Variants in ZNF778 observed in about 807,000 individuals in gnomAD.
The protein encoded by ZNF778 is zinc finger protein 778.
A neutral mutation model predicts 23.9 loss-of-function variants in ZNF778; 37 were observed. The observed-to-expected ratio is 1.54, with a 90% CI of 1.19 to 2.03. The LOEUF (loss-of-function observed/expected upper bound fraction) is 2.03. Among genes scored for constraint, ZNF778 ranks in the 30% most tolerant of loss-of-function variants. The pLI is 0.00. For missense variants in ZNF778, 1,297 were observed against 934.4 expected (o/e 1.39, Z -5.06); for synonymous variants, 483 against 343.9 (o/e 1.40, Z -4.48).
Position 89,233,056 on chromosome 16 carries a change from CG to C in ZNF778, c.*4495del. On this transcript the variant is annotated 3_prime_UTR_variant, in exon 7 of 7. Transcript: ENST00000433976. ...TGCGTATGCAACTCAGCTCGCTCTG[CG>C]TATGCAACTCAGCTCGCACTGCGTA... 8.1e-7 allele frequency: 1 copy of C among 1,237,040 alleles called. No homozygotes were observed. Among genetic ancestry groups the C allele is most frequent in the Non-Finnish European group, 1.0e-6 (1 of 960,126 alleles). The allele number at this position is 1,237,040 out of a possible 1,614,324, so 76.6% of individuals were successfully genotyped here.
rs755130494 is a variant in ZNF778, at chr16:89,236,495, C to G, written c.*7933C>G. The G allele has an allele frequency of 2.6e-5, 4 of 152,068 alleles. No individual in the cohort carries two copies. Among genetic ancestry groups the G allele is most frequent in the Admixed American group, 1.3e-4 (2 of 15,264 alleles). 9.4% of individuals were successfully genotyped at this position (152,068 alleles called of 1,614,324 possible). A position where few individuals can be genotyped will look rare whatever the true frequency, so the allele number is the denominator to read the frequency against. ...GGTTTAAATAAATGGTTACAGAAAA[C>G]TCTTAAGGAAACCTGGAACAAAGGA... On this transcript the variant is annotated 3_prime_UTR_variant, in exon 7 of 7. Coordinates refer to ENST00000433976, the MANE Select transcript of ZNF778 (RefSeq NM_001201407.2).
rs2031738224 is a variant in ZNF778, at chr16:89,228,831, G to C, written c.*269G>C. On this transcript the variant is annotated 3_prime_UTR_variant, in exon 7 of 7. Coordinates refer to ENST00000433976, the MANE Select transcript of ZNF778 (RefSeq NM_001201407.2). ...TATGCAGCAGCATTGTTGCTGTTCTGCTCAGTACTTTGATGATCCCTTGTG... is the reference window on the plus strand; with the variant it reads ...TATGCAGCAGCATTGTTGCTGTTCTCCTCAGTACTTTGATGATCCCTTGTG... 2 of 1,170,670 alleles carry C rather than the reference G, an allele frequency of 1.7e-6. No individual in the cohort carries two copies. Among genetic ancestry groups the C allele is most frequent in the Non-Finnish European group, 1.1e-6 (1 of 947,210 alleles). 72.5% of individuals were successfully genotyped at this position (1,170,670 alleles called of 1,614,324 possible).
Position 89,227,009 on chromosome 16 carries a change from C to G in ZNF778, c.721C>G (p.Gln241Glu), listed in dbSNP as rs748064770. The change falls in exon 7 of 7, where the codon CAG becomes GAG. Residue 241 changes from glutamine to glutamate, a missense_variant. Coordinates refer to ENST00000433976, the MANE Select transcript of ZNF778 (RefSeq NM_001201407.2). ...GEVFLNQSYL[Q>E]ARAGSHNGEE... Reference sequence around the variant, plus strand: ...AGTGTTCCTTAATCAGTCATACCTTCAGGCACGTGCGGGAAGTCACAACGG... The same window carrying G: ...AGTGTTCCTTAATCAGTCATACCTTGAGGCACGTGCGGGAAGTCACAACGG... 3.0e-5 allele frequency: 48 copies of G among 1,613,896 alleles called. No homozygotes were observed. The highest frequency in any genetic ancestry group is 3.6e-5 in the Non-Finnish European group (42 of 1,179,902).
chr16:89,231,932 C>G lies in ZNF778; in HGVS notation c.*3370C>G, dbSNP rs1038725800. The G allele has an allele frequency of 6.6e-6, 1 of 152,452 alleles. No homozygotes were observed. Among genetic ancestry groups the G allele is most frequent in the Non-Finnish European group, 1.5e-5 (1 of 68,246 alleles). The allele number at this position is 152,452 out of a possible 1,614,324, so 9.4% of individuals were successfully genotyped here. On this transcript the variant is annotated 3_prime_UTR_variant, in exon 7 of 7. Transcript: ENST00000433976. ...TGCAGCAGAACTACAGACCTGCCAT[C>G]CTGATAATTGTCAAACTCATCCCTT...
intron 3 of ZNF778, 37 bp from the exon 4 acceptor site, chr16:89,223,120 C>A (rs371900506): frequency 1.9e-6 from 3 of 1,602,728 alleles, no homozygotes; most frequent in Admixed American, 3.5e-5. Context: ...CCGATGGACA[C>A]GTTGGAAGGC....
intron 5 of ZNF778, 108 bp from the exon 6 acceptor site, chr16:89,225,447 C>A: frequency 1.1e-6 from 1 of 882,504 alleles, no homozygotes. Flanking sequence ...TACACATAGC[C>A]AAACTCCTTA....
chr16:89,220,768 T>C (rs978688611), intron 1 of ZNF778, among the ~76,000 whole-genome samples: 4 of 152,206 alleles, frequency 2.6e-5, no homozygotes, highest in Non-Finnish European at 5.9e-5. Context: ...GAATCCAGGC[T>C]GTTTTAGGTA....
At position 89,234,071 on chromosome 16, in the gene ZNF778, C is replaced by A; in HGVS notation, c.*5509C>A. The A allele has an allele frequency of 3.0e-6, 2 of 670,252 alleles. No homozygotes were observed. Among genetic ancestry groups the A allele is most frequent in the Non-Finnish European group, 4.7e-6 (2 of 422,742 alleles). The allele number at this position is 670,252 out of a possible 1,614,324, so 41.5% of individuals were successfully genotyped here. ...TTCTGCCTCCTGCCCAGCTCTGCAG[C>A]TCCCCTTGGGCCCTGCCTGGAGTGA... is the stretch of plus-strand genomic sequence containing the variant. On this transcript the variant is annotated 3_prime_UTR_variant, in exon 7 of 7. Coordinates refer to ENST00000433976, the MANE Select transcript of ZNF778 (RefSeq NM_001201407.2).
Position 89,224,807 on chromosome 16 carries a change from G to C in ZNF778, c.328+5G>C, listed in dbSNP as rs1025486268. 3.3e-6 allele frequency: 5 copies of C among 1,527,650 alleles called. No individual in the cohort carries two copies. Among genetic ancestry groups the C allele is most frequent in the Non-Finnish European group, 4.4e-6 (5 of 1,140,572 alleles). 94.6% of individuals were successfully genotyped at this position (1,527,650 alleles called of 1,614,324 possible). ...GGCGGAGAGCAGTTCTCCAAGGTAA[G>C]TGTGAAGAGCACGCCTGGTCGATGT... is the stretch of plus-strand genomic sequence containing the variant. On this transcript the variant is annotated splice_donor_5th_base_variant and intron_variant, in intron 5 of 6. Coordinates refer to ENST00000433976, the MANE Select transcript of ZNF778 (RefSeq NM_001201407.2).
chr16:89,226,466 A>G (rs1489446481), intron 6 of ZNF778, among the ~76,000 whole-genome samples: 1 of 152,100 alleles, frequency 6.6e-6, no homozygotes, highest in Non-Finnish European at 1.5e-5. Flanking sequence ...CGGCCTCCCA[A>G]AGTTCTGGGA....
Position 89,228,321 on chromosome 16 carries a change from G to A in ZNF778, c.2033G>A (p.Cys678Tyr), listed in dbSNP as rs771333539. The A allele has an allele frequency of 3.1e-6, 5 of 1,613,808 alleles. No homozygotes were observed. Among genetic ancestry groups the A allele is most frequent in the Non-Finnish European group, 4.2e-6 (5 of 1,179,732 alleles). The change falls in exon 7 of 7, where the codon TGT becomes TAT. Residue 678 changes from cysteine (C) to tyrosine (Y), a missense_variant. Coordinates refer to ENST00000433976, the MANE Select transcript of ZNF778 (RefSeq NM_001201407.2). ...TGEKPYICNE[C>Y]GKAFRASSHL... ...GAGAAACCTTACATATGTAACGAGTGTGGGAAAGCCTTCCGTGCCTCCTCT... is the reference window on the plus strand; with the variant it reads ...GAGAAACCTTACATATGTAACGAGTATGGGAAAGCCTTCCGTGCCTCCTCT...
intron 5 of ZNF778, among the ~76,000 whole-genome samples, chr16:89,225,111 G>GT (rs540637883): frequency 4.7e-4 from 16 of 33,886 alleles, no homozygotes; most frequent in African/African-American, 1.0e-3. Flanking sequence ...CAGTTTGTGG[G>GT]TTTTTTTTTT....
Position 89,226,727 on chromosome 16 carries a change from C to G in ZNF778, c.439C>G (p.Arg147Gly). The G allele has an allele frequency of 6.2e-7, 1 of 1,613,404 alleles. No homozygotes were observed. The highest frequency in any genetic ancestry group is 1.1e-5 in the South Asian group (1 of 91,036). The change falls in exon 7 of 7, where the codon CGC becomes GGC. Residue 147 changes from arginine (R) to glycine (G), a missense_variant. Physicochemically the swap from Arg to Gly is moderately radical, Grantham distance 125. Transcript: ENST00000433976. ...RSHNGGQLCD[R>G]TQCGEAFSEH... ...CCACAATGGAGGGCAGCTCTGTGAC[C>G]GCACGCAGTGTGGAGAAGCTTTCAG...
In ZNF778 at chr16:89,234,030, C is replaced by T. The variant is rs1005766665; in HGVS notation, c.*5468C>T. On this transcript the variant is annotated 3_prime_UTR_variant, in exon 7 of 7. Transcript: ENST00000433976. ...CCTGTGAAAACCCTGTGGCCTCTGC[C>T]TCCCCTGGCTCTGACTTCTGCCTCC... 12 of 1,008,344 alleles carry T rather than the reference C, an allele frequency of 1.2e-5. No individual in the cohort carries two copies. The African/African-American group carries it at 1.8e-4, about 15-fold the overall frequency. The allele number at this position is 1,008,344 out of a possible 1,614,324, so 62.5% of individuals were successfully genotyped here. A position where few individuals can be genotyped will look rare whatever the true frequency, so the allele number is the denominator to read the frequency against.
rs2031988600 is a variant in ZNF778, at chr16:89,232,699, G to C, written c.*4137G>C. ...TCCTGGGGTCTTGCTGTGGGGGCTA[G>C]ACCGTCCCTCTCAGGCTAGATCATT... is the stretch of plus-strand genomic sequence containing the variant. On this transcript the variant is annotated 3_prime_UTR_variant, in exon 7 of 7. Coordinates refer to ENST00000433976, the MANE Select transcript of ZNF778 (RefSeq NM_001201407.2). The C allele has an allele frequency of 2.4e-6, 3 of 1,263,532 alleles. No homozygotes were observed. The highest frequency in any genetic ancestry group is 3.1e-5 in the African/African-American group (2 of 65,500). The allele number at this position is 1,263,532 out of a possible 1,614,324, so 78.3% of individuals were successfully genotyped here.
At position 89,227,611 on chromosome 16, in the gene ZNF778, AAC is replaced by A. The variant is rs751582474; in HGVS notation, c.1330_1331del (p.Thr444GlyfsTer8). ...VRCGLTRHVRTHTGEKPYTCK... is the reference protein window; with the variant it reads ...VRCGLTRHVRXHTGEKPYTCK... ...GCTGTGGCCTTACTAGACACGTACG[AAC>A]ACACACGGGCGAGAAGCCATACACG... On this transcript the variant is annotated frameshift_variant, in exon 7 of 7. Transcript: ENST00000433976. LOFTEE classifies it low-confidence loss of function (END_TRUNC). 1.2e-6 allele frequency: 2 copies of A among 1,614,164 alleles called. No homozygotes were observed. The highest frequency in any genetic ancestry group is 1.1e-5 in the South Asian group (1 of 91,076).
chr16:89,233,860 A>G lies in ZNF778; in HGVS notation c.*5298A>G. 7.8e-7 allele frequency: 1 copy of G among 1,290,042 alleles called. No individual in the cohort carries two copies. Among genetic ancestry groups the G allele is most frequent in the Non-Finnish European group, 1.0e-6 (1 of 989,282 alleles). The allele number at this position is 1,290,042 out of a possible 1,614,324, so 79.9% of individuals were successfully genotyped here. A position where few individuals can be genotyped will look rare whatever the true frequency, so the allele number is the denominator to read the frequency against. On this transcript the variant is annotated 3_prime_UTR_variant, in exon 7 of 7. Transcript: ENST00000433976. ...TATTTCCGGCCACTTCCTTTTTCTA[A>G]CTACCACACCAAGCCAGTATTTCTC...
chr16:89,224,436 G>A (rs990454694), intron 4 of ZNF778, among the ~76,000 whole-genome samples: 25 of 152,118 alleles, frequency 1.6e-4, no homozygotes, highest in Admixed American at 2.6e-4. Flanking sequence ...TGACCAACAC[G>A]GTGAAACCCC....
rs2031138704 is a variant in ZNF778, at chr16:89,223,195, C to T, written c.156C>T (p.Thr52=). 6.2e-7 allele frequency: 1 copy of T among 1,613,914 alleles called. No individual in the cohort carries two copies. The highest frequency in any genetic ancestry group is 8.5e-7 in the Non-Finnish European group (1 of 1,179,936). ...TTGACGACGTGGCTGTGGACTTCACCCAGGAGGAATGGACTTTACTGGACC... is the reference window on the plus strand; with the variant it reads ...TTGACGACGTGGCTGTGGACTTCACTCAGGAGGAATGGACTTTACTGGACC... ...VTFDDVAVDF[T]QEEWTLLDPS... The change falls in exon 4 of 7, where the codon ACC becomes ACT. Residue 52 remains threonine (T), a synonymous_variant. Transcript: ENST00000433976.
Sources: allele counts gnomAD v4.1 joint callset (sites outside exome capture counted in the v4.1 genomes callset), GRCh38; gene constraint gnomAD v4.1.1; transcripts MANE v1.5; gene names NCBI Gene and HGNC (gene_info 2026-07-23, HGNC 2026-07-21).